Variants in BRAF observed in about 807,000 individuals in gnomAD.
The protein encoded by BRAF is B-Raf proto-oncogene, serine/threonine kinase.
BRAF carries 16 observed loss-of-function variants against 104.6 expected under a neutral mutation model. The ratio of observed to expected loss-of-function variants is 0.15; its 90% CI spans 0.10 to 0.23. The LOEUF is 0.23. BRAF is among the 10% of genes least tolerant of loss of function. BRAF has a pLI of 1.00. For missense variants in BRAF, 541 were observed against 937.3 expected, an observed-to-expected ratio of 0.58 and a Z score of 5.52; for synonymous variants, 310 against 341.6, an observed-to-expected ratio of 0.91 and a Z score of 1.02.
In BRAF at chr7:140,724,539, T is replaced by C. The variant is rs1795495284; in HGVS notation, c.*1955A>G. On this transcript the variant is annotated 3_prime_UTR_variant, in exon 20 of 20. Transcript: ENST00000644969. ...AAAACAAATTTGCTTTTCAAACTGA[T>C]TAATAACTTAAGGATCTTTTCCATT... The C allele has an allele frequency of 3.8e-6, 4 of 1,043,952 alleles. No homozygotes were observed. The South Asian group carries it at 1.8e-4, about 48-fold the overall frequency. The allele number at this position is 1,043,952 out of a possible 1,614,324, so 64.7% of individuals were successfully genotyped here.
chr7:140,826,685 C>G (rs1167112103), intron 3 of BRAF, among the ~76,000 whole-genome samples: 1 of 152,124 alleles, frequency 6.6e-6, no homozygotes, highest in Admixed American at 6.6e-5. Context: ...TGTATAAGTT[C>G]CATCTCAAAA....
At chr7:140,788,819 C>T (rs1253524989) in intron 8 of BRAF, among the ~76,000 whole-genome samples, 1 of 151,862 alleles carries the variant, frequency 6.6e-6, no homozygotes, top group African/African-American at 2.4e-5. Context: ...GAACTCCTGA[C>T]CTCAGGTGAT....
At chr7:140,760,141 A>C (rs1798551203) in intron 14 of BRAF, among the ~76,000 whole-genome samples, 1 of 152,158 alleles carries the variant, frequency 6.6e-6, no homozygotes, top group African/African-American at 2.4e-5. Flanking sequence ...GGCTAGGCAC[A>C]GTGGATCATG....
chr7:140,855,536 T>C (rs1325368811), intron 1 of BRAF, among the ~76,000 whole-genome samples: 1 of 140,518 alleles, frequency 7.1e-6, no homozygotes, highest in Admixed American at 6.8e-5. Context: ...TGGAAGGACA[T>C]GAAGGGGAGC....
In BRAF at chr7:140,763,412, G is replaced by A. The variant is rs541257225; in HGVS notation, c.1815-9179C>T. On this transcript the variant is annotated intron_variant, in intron 14 of 19. Transcript: ENST00000644969. ...TCCTCACTTCCCAGTAGGGGCGGCCGGGCAGAGGCGCCCCTCACCTCCCGG... is the reference window on the plus strand; with the variant it reads ...TCCTCACTTCCCAGTAGGGGCGGCCAGGCAGAGGCGCCCCTCACCTCCCGG... Among the ~76,000 whole-genome samples the A allele has an allele frequency of 2.5e-3, 383 of 151,622 alleles. 3 individuals carry two copies. Among genetic ancestry groups the A allele is most frequent in the African/African-American group, 8.5e-3 (353 of 41,338 alleles).
intron 14 of BRAF, among the ~76,000 whole-genome samples, chr7:140,775,349 CTTT>C (rs760401887): frequency 4.2e-5 from 6 of 141,896 alleles, no homozygotes; most frequent in African/African-American, 7.7e-5. Context: ...GATTTTAATT[CTTT>C]TTTTTTTTTT....
At chr7:140,753,206 C>T (rs1470038157) in intron 16 of BRAF, 69 bp downstream of exon 15, 3 of 1,130,372 alleles carry the variant, frequency 2.7e-6, no homozygotes, top group Non-Finnish European at 4.0e-6. Context: ...CCTTCAATGA[C>T]TTTCTAGTAA....
At chr7:140,759,852 T>A (rs1798524805) in intron 14 of BRAF, among the ~76,000 whole-genome samples, 1 of 152,204 alleles carries the variant, frequency 6.6e-6, no homozygotes, top group African/African-American at 2.4e-5. Context: ...GGGATCTTGT[T>A]AAAATGCAGT....
intron 12 of BRAF, 55 bp from the exon 12 acceptor site, chr7:140,778,130 T>C: frequency 6.5e-7 from 1 of 1,535,850 alleles, no homozygotes. Flanking sequence ...TTTAAAAGTA[T>C]AAAACATTCT....
chr7:140,763,992 C>A (rs1799052347), intron 14 of BRAF, among the ~76,000 whole-genome samples: 1 of 151,978 alleles, frequency 6.6e-6, no homozygotes, highest in Admixed American at 6.6e-5. Context: ...GAGACACAAC[C>A]AAAAAAGAGA....
intron 2 of BRAF, among the ~76,000 whole-genome samples, chr7:140,848,613 G>C (rs1456113632): frequency 5.3e-5 from 8 of 152,196 alleles, no homozygotes; most frequent in African/African-American, 1.9e-4. Flanking sequence ...CCAAGACATA[G>C]AAATGGTTGG....
At chr7:140,869,511 T>A (rs1811329894) in intron 1 of BRAF, among the ~76,000 whole-genome samples, 1 of 151,984 alleles carries the variant, frequency 6.6e-6, no homozygotes, top group Non-Finnish European at 1.5e-5. Flanking sequence ...CGGACACCCG[T>A]AATTCCAGCT....
intron 7 of BRAF, among the ~76,000 whole-genome samples, chr7:140,795,297 T>C (rs1035696341): frequency 1.3e-5 from 2 of 152,046 alleles, no homozygotes; most frequent in African/African-American, 2.4e-5. Context: ...TTGTAAACAC[T>C]TGGAAGGATG....
At chr7:140,773,650 G>A (rs1586108399) in intron 14 of BRAF, among the ~76,000 whole-genome samples, 2 of 152,304 alleles carry the variant, frequency 1.3e-5, no homozygotes, top group East Asian at 3.9e-4. Flanking sequence ...GTTACCTGGT[G>A]AGTAAGAGAA....
At position 140,724,572 on chromosome 7, in the gene BRAF, G is replaced by A; in HGVS notation, c.*1922C>T. ...TTAAGGATCTTTTCCATTTTACTAG[G>A]ACAACCTTTTACAAGACAATGAAAA... On this transcript the variant is annotated 3_prime_UTR_variant, in exon 20 of 20. Coordinates refer to ENST00000644969, the MANE Select transcript of BRAF (RefSeq NM_001374258.1). 9.6e-7 allele frequency: 1 copy of A among 1,041,152 alleles called. No homozygotes were observed. Among genetic ancestry groups the A allele is most frequent in the South Asian group, 4.6e-5 (1 of 21,748 alleles). The allele number at this position is 1,041,152 out of a possible 1,614,324, so 64.5% of individuals were successfully genotyped here. A position where few individuals can be genotyped will look rare whatever the true frequency, so the allele number is the denominator to read the frequency against.
In BRAF at chr7:140,776,950, T is replaced by C. The variant is rs1226102224; in HGVS notation, c.1776A>G (p.Lys592=). Residue 592 remains lysine, a synonymous_variant, in exon 14 of 20, where the codon AAA becomes AAG. Coordinates refer to ENST00000644969, the MANE Select transcript of BRAF (RefSeq NM_001374258.1). ...HIIETKFEMI[K]LIDIARQTAQ... is the part of the protein sequence containing the mutation. ...CAGTCTGTCGTGCAATATCTATAAG[T>C]TTGATCATCTCAAATTTGGTCTCAA... is the stretch of plus-strand genomic sequence containing the variant. The C allele has an allele frequency of 6.2e-7, 1 of 1,613,520 alleles. No individual in the cohort carries two copies. The highest frequency in any genetic ancestry group is 1.3e-5 in the African/African-American group (1 of 74,904).
rs34852520 is a variant in BRAF, at chr7:140,804,396, G to GT, written c.712-2837dup. ...ATTTTTGTATTTTTAGTAGAGACAG[G>GT]TTTTTTTTTTGGGGGGGGTGGTTAA... On this transcript the variant is annotated intron_variant, in intron 5 of 19. Transcript: ENST00000644969. 5.0e-3 allele frequency among the ~76,000 whole-genome samples: 720 copies of GT among 144,180 alleles called. 4 individuals are homozygous for GT. The highest frequency in any genetic ancestry group is 0.016 in the African/African-American group (603 of 37,558). The allele number at this position is 144,180 out of a possible 152,430, so 94.6% of individuals were successfully genotyped here. A position where few individuals can be genotyped will look rare whatever the true frequency, so the allele number is the denominator to read the frequency against.
chr7:140,836,795 C>T (rs1028980211), intron 2 of BRAF, among the ~76,000 whole-genome samples: 4 of 152,134 alleles, frequency 2.6e-5, no homozygotes, highest in Non-Finnish European at 5.9e-5. Flanking sequence ...ACACATAAGA[C>T]AAACACAATT....
chr7:140,902,459 C>G (rs1219892784), intron 1 of BRAF, among the ~76,000 whole-genome samples: 1 of 152,150 alleles, frequency 6.6e-6, no homozygotes, highest in Admixed American at 6.5e-5. Flanking sequence ...TCTAAGTGTT[C>G]AAGTGAAACC....
Sources: gnomAD v4.1 joint callset for allele counts (sites outside exome capture counted in the v4.1 genomes callset) on GRCh38, gnomAD v4.1.1 for gene constraint, MANE v1.5 for transcripts, NCBI Gene and HGNC (gene_info 2026-07-23, HGNC 2026-07-21) for gene names.